The following PIGU variants were observed in gnomAD, a reference collection of about 807,000 sequenced individuals.
PIGU encodes the protein phosphatidylinositol glycan anchor biosynthesis class U, also known as GPI-anchor transamidase component PIGU.
In PIGU, 24 loss-of-function variants were observed where a neutral mutation model predicts 49.9. The observed-to-expected ratio is 0.48, with a 90% CI of 0.35 to 0.68. The LOEUF (loss-of-function observed/expected upper bound fraction) is 0.68, where lower values mean the gene tolerates loss of function less well. Ranked by LOEUF, PIGU falls within the 30% of genes least tolerant of loss-of-function variation. The pLI is 0.01. For synonymous variants in PIGU, 220 were observed against 205.7 expected (o/e 1.07, Z -0.59); for missense variants, 490 against 532.6 (o/e 0.92, Z 0.79).
chr20:34,673,123 G>T (rs956012974), intron 1 of PIGU, among the ~76,000 whole-genome samples: 2 of 151,604 alleles, frequency 1.3e-5, no homozygotes, highest in Admixed American at 1.3e-4. Context: ...GTGTGGTGGC[G>T]GGTGCCTGTA....
At chr20:34,568,761 A>G (rs2146693230) in intron 11 of PIGU, among the ~76,000 whole-genome samples, 1 of 152,330 alleles carries the variant, frequency 6.6e-6, no homozygotes, top group Middle Eastern at 3.4e-3. Context: ...CTCGGGCTTC[A>G]GGCCTCACTC....
intron 1 of PIGU, among the ~76,000 whole-genome samples, chr20:34,666,715 GAGAC>G (rs1987112430): frequency 6.8e-5 from 1 of 14,726 alleles, no homozygotes; most frequent in Non-Finnish European, 1.7e-4. Flanking sequence ...TTTTTTTTTT[GAGAC>G]AGAGTCTCGC....
chr20:34,657,955 T>A (rs1296311353), intron 1 of PIGU, among the ~76,000 whole-genome samples: 8 of 151,888 alleles, frequency 5.3e-5, no homozygotes, highest in African/African-American at 1.9e-4. Context: ...CCTCACCCTC[T>A]CCCTCTCTCT....
At chr20:34,585,915 G>A (rs1342712493) in intron 8 of PIGU, among the ~76,000 whole-genome samples, 1 of 152,128 alleles carries the variant, frequency 6.6e-6, no homozygotes, top group African/African-American at 2.4e-5. Flanking sequence ...TGTAACAAAT[G>A]AGTTTTAAAA....
At chr20:34,590,138 T>C (rs1344189977) in intron 7 of PIGU, among the ~76,000 whole-genome samples, 1 of 149,168 alleles carries the variant, frequency 6.7e-6, no homozygotes, top group Non-Finnish European at 1.5e-5. Context: ...TAATTTATTG[T>C]TGTAAGAAAA....
At position 34,669,742 on chromosome 20, in the gene PIGU, T is replaced by TA. The variant is rs536661581; in HGVS notation, c.130+7213dup. On this transcript the variant is annotated intron_variant, in intron 1 of 11. Transcript: ENST00000217446. ...GATCCAGCTGCCTATTTGCAGGAAATAGAGATGATAGAGGAACATGTTAAA... is the reference window on the plus strand; with the variant it reads ...GATCCAGCTGCCTATTTGCAGGAAATAAGAGATGATAGAGGAACATGTTAAA... 2.7e-5 allele frequency among the ~76,000 whole-genome samples: 4 copies of TA among 150,038 alleles called. No homozygotes were observed. In the Admixed American group the frequency reaches 2.7e-4, roughly 10 times the overall value.
intron 7 of PIGU, among the ~76,000 whole-genome samples, chr20:34,615,130 T>C (rs1984958782): frequency 1.3e-5 from 2 of 152,244 alleles, no homozygotes; most frequent in South Asian, 4.1e-4. Flanking sequence ...TCAATTCATT[T>C]GTCTAATATG....
intron 6 of PIGU, among the ~76,000 whole-genome samples, chr20:34,631,627 C>T (rs994029812): frequency 2.1e-5 from 3 of 139,572 alleles, no homozygotes; most frequent in Non-Finnish European, 3.1e-5. Flanking sequence ...GATCTCGACT[C>T]ACTGCAAGCT....
intron 10 of PIGU, among the ~76,000 whole-genome samples, chr20:34,578,647 T>C (rs559990935): frequency 6.6e-6 from 1 of 152,152 alleles, no homozygotes; most frequent in African/African-American, 2.4e-5. Context: ...TACATTCCCA[T>C]GCGGCTAGAG....
intron 6 of PIGU, among the ~76,000 whole-genome samples, chr20:34,621,738 A>G (rs1985244917): frequency 6.6e-6 from 1 of 152,222 alleles, no homozygotes; most frequent in Admixed American, 6.5e-5. Context: ...GTGACTTCAA[A>G]TATTTTAAAC....
At position 34,560,626 on chromosome 20, in the gene PIGU, G is replaced by C. The variant is rs936655908; in HGVS notation, c.*240C>G. ...TGCCTCTTCTCCTTCCTGTCTGGGA[G>C]GGGGCTCCTTGGTGTGCAGAGCCAC... is the stretch of plus-strand genomic sequence containing the variant. On this transcript the variant is annotated 3_prime_UTR_variant, in exon 12 of 12. Transcript: ENST00000217446. 1 of 441,378 alleles carries C rather than the reference G, an allele frequency of 2.3e-6. No individual in the cohort carries two copies. Among genetic ancestry groups the C allele is most frequent in the East Asian group, 3.5e-5 (1 of 28,194 alleles). 27.3% of individuals were successfully genotyped at this position (441,378 alleles called of 1,614,324 possible).
intron 7 of PIGU, among the ~76,000 whole-genome samples, chr20:34,591,351 G>T (rs1347909818): frequency 6.6e-6 from 1 of 152,104 alleles, no homozygotes; most frequent in Non-Finnish European, 1.5e-5. Flanking sequence ...AGATCAAGCA[G>T]ACAAATTAGT....
chr20:34,647,579 T>G (rs1986399357), intron 2 of PIGU, among the ~76,000 whole-genome samples: 1 of 149,964 alleles, frequency 6.7e-6, no homozygotes, highest in Non-Finnish European at 1.5e-5. Flanking sequence ...TTTGTATTTT[T>G]TGTATTTTTT....
chr20:34,658,410 G>A (rs535374052), intron 1 of PIGU, among the ~76,000 whole-genome samples: 92 of 152,278 alleles, frequency 6.0e-4, no homozygotes, highest in African/African-American at 2.1e-3. Context: ...CTGCCCGGCC[G>A]CCACCCCGTC....
chr20:34,654,439 C>A lies in PIGU; in HGVS notation c.195+2741G>T, dbSNP rs553366234. Among the ~76,000 whole-genome samples, 7 of 104,262 alleles carry A rather than the reference C, an allele frequency of 6.7e-5. 2 individuals are homozygous for A. The highest frequency in any genetic ancestry group is 2.5e-4 in the African/African-American group (7 of 27,882). The allele number at this position is 104,262 out of a possible 152,430, so 68.4% of individuals were successfully genotyped here. On this transcript the variant is annotated intron_variant, in intron 2 of 11. Coordinates refer to ENST00000217446, the MANE Select transcript of PIGU (RefSeq NM_080476.5). ...CAGAGGTTGCAATGAGCCGAGTTGGCGCCACTTCACTCCACCTGGGCAAAA... is the reference window on the plus strand; with the variant it reads ...CAGAGGTTGCAATGAGCCGAGTTGGAGCCACTTCACTCCACCTGGGCAAAA...
At chr20:34,589,630 C>T (rs550205085) in intron 7 of PIGU, among the ~76,000 whole-genome samples, 1 of 136,728 alleles carries the variant, frequency 7.3e-6, no homozygotes, top group East Asian at 2.3e-4. Context: ...GGATTATAGG[C>T]GTGAGCCACT....
At chr20:34,582,776 G>A (rs139066734) in intron 9 of PIGU, among the ~76,000 whole-genome samples, 11 of 152,192 alleles carry the variant, frequency 7.2e-5, no homozygotes, top group African/African-American at 2.2e-4. Flanking sequence ...GTTAGTAAGC[G>A]ATGGAGTTGT....
At chr20:34,573,093 C>T (rs1289626411) in intron 11 of PIGU, among the ~76,000 whole-genome samples, 1 of 152,082 alleles carries the variant, frequency 6.6e-6, no homozygotes, top group East Asian at 1.9e-4. Context: ...TCAAGTAATC[C>T]TTCTACCTTG....
chr20:34,596,488 T>G (rs1011926453), intron 7 of PIGU, among the ~76,000 whole-genome samples: 1 of 152,208 alleles, frequency 6.6e-6, no homozygotes, highest in African/African-American at 2.4e-5. Context: ...ATATAAAATG[T>G]TAACATTAGC....
Sources: gnomAD v4.1 joint callset for allele counts (sites outside exome capture counted in the v4.1 genomes callset) on GRCh38, gnomAD v4.1.1 for gene constraint, MANE v1.5 for transcripts, NCBI Gene and HGNC (gene_info 2026-07-23, HGNC 2026-07-21) for gene names.